Variants in TMCC1 observed in about 807,000 individuals in gnomAD.
TMCC1 encodes transmembrane and coiled-coil domain family 1, also known as transmembrane and coiled-coil domains protein 1.
TMCC1 carries 15 observed loss-of-function variants against 52.4 expected under a neutral mutation model. That is an observed-to-expected ratio of 0.29 (90% confidence interval 0.19 to 0.44). TMCC1 has a LOEUF of 0.44. Ranked by LOEUF, TMCC1 falls within the 20% of genes least tolerant of loss-of-function variation. The probability of loss-of-function intolerance (pLI) is 1.00; values close to 1 mark genes in which losing one functional copy is unlikely to be tolerated. For synonymous variants in TMCC1, 279 were observed against 301.9 expected (o/e 0.92, Z 0.79); for missense variants, 503 against 806.0 (o/e 0.62, Z 4.55).
chr3:129,674,936 C>A (rs1407539454), intron 4 of TMCC1, among the ~76,000 whole-genome samples: 1 of 152,126 alleles, frequency 6.6e-6, no homozygotes, highest in Non-Finnish European at 1.5e-5. Context: ...TGCCTCCTGG[C>A]TTCAAGCGAT....
chr3:129,765,264 C>T (rs1307416303), intron 4 of TMCC1, among the ~76,000 whole-genome samples: 2 of 151,798 alleles, frequency 1.3e-5, no homozygotes, highest in Non-Finnish European at 2.9e-5. Flanking sequence ...AGAAAACAGG[C>T]ACAAATTTGG....
rs773340486 is a variant in TMCC1 at position 129,749,341 on chromosome 3, TTAA to T, written c.577-78080_577-78078del. On this transcript the variant is annotated intron_variant, in intron 4 of 6. Coordinates refer to ENST00000393238, the MANE Select transcript of TMCC1 (RefSeq NM_001017395.5). ...AGTCCACTACTTATAGCTAGTGATA[TTAA>T]TGAGAATAAATGACTGTAGTCATGT... Among the ~76,000 whole-genome samples the T allele has an allele frequency of 4.6e-5, 7 of 152,254 alleles. No homozygotes were observed. In the East Asian group the frequency reaches 1.4e-3, roughly 29 times the overall value.
chr3:129,783,785 T>C (rs1206323132), intron 4 of TMCC1, among the ~76,000 whole-genome samples: 1 of 152,194 alleles, frequency 6.6e-6, no homozygotes, highest in Non-Finnish European at 1.5e-5. Flanking sequence ...CTGTCTAAAA[T>C]TAGAATAGAA....
At chr3:129,858,271 C>A (rs998779145) in intron 2 of TMCC1, among the ~76,000 whole-genome samples, 1 of 152,214 alleles carries the variant, frequency 6.6e-6, no homozygotes, top group Non-Finnish European at 1.5e-5. Context: ...TCCTCCATAT[C>A]GCAGCACACT....
At chr3:129,845,970 G>A (rs1052719649) in intron 2 of TMCC1, among the ~76,000 whole-genome samples, 1 of 152,046 alleles carries the variant, frequency 6.6e-6, no homozygotes. Context: ...AGAGGTACAG[G>A]CTGCAGTGAG....
intron 5 of TMCC1, among the ~76,000 whole-genome samples, chr3:129,665,321 G>C (rs2087362258): frequency 6.6e-6 from 1 of 152,176 alleles, no homozygotes; most frequent in African/African-American, 2.4e-5. Context: ...GAATGCTTCT[G>C]ATTATTCCAG....
chr3:129,797,976 A>C (rs1046269599), intron 4 of TMCC1, among the ~76,000 whole-genome samples: 23 of 142,614 alleles, frequency 1.6e-4, no homozygotes, highest in Non-Finnish European at 2.3e-4. Flanking sequence ...AGAGCACCCG[A>C]GTTGTGTGCC....
At chr3:129,675,698 T>C (rs7626591) in intron 4 of TMCC1, among the ~76,000 whole-genome samples, 2,176 of 152,300 alleles carry the variant, frequency 0.014, 52 homozygotes, top group African/African-American at 0.049. Flanking sequence ...TAGATATAGT[T>C]GGCCTCGTGG....
At chr3:129,756,063 A>G (rs1020283370) in intron 4 of TMCC1, among the ~76,000 whole-genome samples, 2 of 150,486 alleles carry the variant, frequency 1.3e-5, no homozygotes. Context: ...ATGCCACTGC[A>G]CTCCAGCCTG....
rs377180666 is a variant in TMCC1, at chr3:129,760,585, CT to C, written c.576+67217del. On this transcript the variant is annotated intron_variant, in intron 4 of 6. Transcript: ENST00000393238. The stretch of plus-strand genomic sequence containing the variant: ...CTCCGCCTCCCGGGTTCACGCCATT[CT>C]CCTGCCTCAGCCTCCTAAGTAGCTG... 7.6e-4 allele frequency among the ~76,000 whole-genome samples: 115 copies of C among 152,072 alleles called. 2 individuals carry two copies. In the East Asian group the frequency reaches 0.021, roughly 28 times the overall value.
At chr3:129,760,111 T>C (rs1314437901) in intron 4 of TMCC1, among the ~76,000 whole-genome samples, 1 of 152,146 alleles carries the variant, frequency 6.6e-6, no homozygotes, top group African/African-American at 2.4e-5. Flanking sequence ...AGTTCCCTTA[T>C]AACCCCTCTT....
At chr3:129,868,818 C>T (rs1168981742) in intron 2 of TMCC1, 1 of 152,096 alleles carries the variant, frequency 6.6e-6, no homozygotes, top group East Asian at 1.9e-4. Flanking sequence ...AATTGGTGAC[C>T]CTATGGCTAC....
intron 4 of TMCC1, among the ~76,000 whole-genome samples, chr3:129,695,023 G>C (rs1483195236): frequency 7.6e-6 from 1 of 132,150 alleles, no homozygotes; most frequent in Non-Finnish European, 1.6e-5. Flanking sequence ...CTTAAGCCCA[G>C]GAGTTGAAAT....
At chr3:129,723,109 A>C (rs2049763021) in intron 4 of TMCC1, among the ~76,000 whole-genome samples, 1 of 152,202 alleles carries the variant, frequency 6.6e-6, no homozygotes, top group Non-Finnish European at 1.5e-5. Context: ...GGTCAACTAA[A>C]AAAAATGGTA....
chr3:129,846,574 T>A (rs1400675818), intron 2 of TMCC1, among the ~76,000 whole-genome samples: 1 of 152,210 alleles, frequency 6.6e-6, no homozygotes, highest in Non-Finnish European at 1.5e-5. Context: ...AGGGAATTTG[T>A]GATTTAGCAA....
chr3:129,805,473 G>A (rs1435101112), intron 4 of TMCC1, among the ~76,000 whole-genome samples: 1 of 152,094 alleles, frequency 6.6e-6, no homozygotes, highest in Admixed American at 6.6e-5. Flanking sequence ...ACATTTAAAA[G>A]ATTATTCTGT....
chr3:129,763,034 T>C (rs2053742633), intron 4 of TMCC1, among the ~76,000 whole-genome samples: 1 of 151,078 alleles, frequency 6.6e-6, no homozygotes. Flanking sequence ...CCGTCTCTAC[T>C]AAAAATACAA....
Position 129,651,557 on chromosome 3 carries a change from A to C in TMCC1, c.1886T>G (p.Val629Gly). The change falls in exon 7 of 7, where the codon GTT (valine) becomes GGT (glycine). Residue 629 changes from valine (V) to glycine (G), a missense_variant. Physicochemically the swap from Val to Gly is moderately radical, Grantham distance 109. This residue lies in a region of TMCC1 where 50 missense variants were observed against 62.6 expected (regional missense o/e 0.80). Transcript: ENST00000393238. This position sits in a 1 kb window ranked among gnomAD's most constrained non-coding sequence, Gnocchi z 5.1. ...NRTFSTLFLV[V>G]FIAFLWKHWD... ...GTGCTTCCAGAGAAAGGCAATAAAAACCACAAGGAATAAAGTGCTGAACGT... is the reference window on the plus strand; with the variant it reads ...GTGCTTCCAGAGAAAGGCAATAAAACCCACAAGGAATAAAGTGCTGAACGT... 1 of 1,614,184 alleles carries C rather than the reference A, an allele frequency of 6.2e-7. No homozygotes were observed. Among genetic ancestry groups the C allele is most frequent in the Non-Finnish European group, 8.5e-7 (1 of 1,180,034 alleles).
rs745813055 is a variant in TMCC1, at chr3:129,769,165, G to A, written c.576+58638C>T. The stretch of plus-strand genomic sequence containing the variant: ...TTGTCCAACCCATTGCCAGCGGGCC[G>A]CACGTGGCCCAGGATGGCTTTGAAT... On this transcript the variant is annotated intron_variant, in intron 4 of 6. Coordinates refer to ENST00000393238, the MANE Select transcript of TMCC1 (RefSeq NM_001017395.5). Among the ~76,000 whole-genome samples, 51 of 152,346 alleles carry A rather than the reference G, an allele frequency of 3.3e-4. 1 individual carries two copies. The Middle Eastern group carries it at 0.014, about 41-fold the overall frequency.
Sources: allele counts gnomAD v4.1 joint callset (sites outside exome capture counted in the v4.1 genomes callset), GRCh38; gene constraint gnomAD v4.1.1; regional missense constraint gnomAD v4.1.1; non-coding constraint Gnocchi (gnomAD v3.1); transcripts MANE v1.5; gene names NCBI Gene and HGNC (gene_info 2026-07-23, HGNC 2026-07-21).